The following PDGFRA variants were observed in gnomAD, a reference collection of about 807,000 sequenced individuals.
PDGFRA encodes the protein platelet-derived growth factor receptor alpha.
In PDGFRA, 25 loss-of-function variants were observed where a neutral mutation model predicts 121.5. The ratio of observed to expected loss-of-function variants is 0.21; its 90% CI spans 0.15 to 0.29. The LOEUF (loss-of-function observed/expected upper bound fraction) is 0.29, where lower values mean the gene tolerates loss of function less well. Ranked by LOEUF, PDGFRA falls within the 10% of genes least tolerant of loss-of-function variation. The pLI is 1.00. For missense variants in PDGFRA, 1,008 were observed against 1,345.1 expected, an observed-to-expected ratio of 0.75 and a Z score of 3.92; for synonymous variants, 463 against 494.8, an observed-to-expected ratio of 0.94 and a Z score of 0.85.
intron 16 of PDGFRA, chr4:54,281,869 A>G (rs1408066845): frequency 8.2e-7 from 1 of 1,215,384 alleles, no homozygotes; most frequent in Non-Finnish European, 1.0e-6. Context: ...ATTGGCACTG[A>G]TCTCTAAGAT....
chr4:54,271,848 C>T (rs905536358), intron 8 of PDGFRA, among the ~76,000 whole-genome samples: 4 of 143,044 alleles, frequency 2.8e-5, no homozygotes, highest in African/African-American at 1.0e-4. Context: ...TCCTCCCTCC[C>T]TCCCTCCCTT....
At chr4:54,229,938 A>C (rs968088872) in intron 1 of PDGFRA, 1 of 13,214 alleles carries the variant, frequency 7.6e-5, no homozygotes, top group African/African-American at 3.0e-4. Flanking sequence ...GACCAGGGGG[A>C]GGTGGGGAGA....
At chr4:54,273,256 A>T (rs1227763975) in intron 9 of PDGFRA, among the ~76,000 whole-genome samples, 3 of 152,188 alleles carry the variant, frequency 2.0e-5, no homozygotes, top group Admixed American at 6.5e-5. Flanking sequence ...GTTTGCTCAT[A>T]GGTTCAAGAT....
At chr4:54,241,508 A>T (rs1373566398) in intron 1 of PDGFRA, among the ~76,000 whole-genome samples, 1 of 149,694 alleles carries the variant, frequency 6.7e-6, no homozygotes, top group African/African-American at 2.5e-5. Flanking sequence ...GCCATAACTG[A>T]AAGGAAATTT....
At chr4:54,239,843 A>ATTAT (rs1464665568) in intron 1 of PDGFRA, among the ~76,000 whole-genome samples, 53 of 151,834 alleles carry the variant, frequency 3.5e-4, no homozygotes, top group South Asian at 4.2e-4. Context: ...AAAATTTTAA[A>ATTAT]TTATTTATTT....
chr4:54,261,457 C>A, intron 3 of PDGFRA, 45 bp downstream of exon 3: 1 of 1,321,944 alleles, frequency 7.6e-7, no homozygotes, highest in Non-Finnish European at 1.1e-6. Flanking sequence ...CTCTTCCTGT[C>A]TCTCCTGTTA....
Position 54,295,370 on chromosome 4 carries a change from G to T in PDGFRA, c.*98G>T. ...AATGCAGAGGTTGAGAGGAGGACTT[G>T]GTTGATGTTTAAAGAGAAGTTCCCA... On this transcript the variant is annotated 3_prime_UTR_variant, in exon 23 of 23. Transcript: ENST00000257290. The T allele has an allele frequency of 4.1e-6, 5 of 1,221,712 alleles. No individual in the cohort carries two copies. The highest frequency in any genetic ancestry group is 6.0e-6 in the Non-Finnish European group (5 of 834,034). The allele number at this position is 1,221,712 out of a possible 1,614,324, so 75.7% of individuals were successfully genotyped here.
In PDGFRA at chr4:54,279,902, T is replaced by TTATATATATATA. The variant is rs34230327; in HGVS notation, c.2157-412_2157-411insTATATATATATA. Reference sequence around the variant, plus strand: ...TAATTCATTCCTTTTTATAGCTGAGTTACATATATATATATATATATGCAC... The same window carrying TTATATATATATA: ...TAATTCATTCCTTTTTATAGCTGAGTTATATATATATATACATATATATATATATATATGCAC... On this transcript the variant is annotated intron_variant, in intron 15 of 22. Coordinates refer to ENST00000257290, the MANE Select transcript of PDGFRA (RefSeq NM_006206.6). Among the ~76,000 whole-genome samples the TTATATATATATA allele has an allele frequency of 5.4e-5, 8 of 147,692 alleles. No individual in the cohort carries two copies. In the South Asian group the frequency reaches 1.7e-3, roughly 31 times the overall value.
At chr4:54,266,371 T>C (rs1723024689) in intron 5 of PDGFRA, among the ~76,000 whole-genome samples, 2 of 152,058 alleles carry the variant, frequency 1.3e-5, no homozygotes, top group Admixed American at 1.3e-4. Context: ...ATAAAGCTTT[T>C]ATTTTTCATT....
At chr4:54,234,920 G>A (rs1051972585) in intron 1 of PDGFRA, among the ~76,000 whole-genome samples, 2 of 152,168 alleles carry the variant, frequency 1.3e-5, no homozygotes, top group Non-Finnish European at 2.9e-5. Context: ...AGCCCAGATT[G>A]TCCCATAAAA....
chr4:54,262,590 C>T (rs1722808480), intron 3 of PDGFRA, among the ~76,000 whole-genome samples: 1 of 152,074 alleles, frequency 6.6e-6, no homozygotes, highest in African/African-American at 2.4e-5. Flanking sequence ...TCTTCCTACC[C>T]TCTATAACTA....
At position 54,298,075 on chromosome 4, in the gene PDGFRA, A is replaced by AAGAT; in HGVS notation, c.*2805_*2808dup. The AAGAT allele has an allele frequency of 4.4e-6, 1 of 225,338 alleles. No homozygotes were observed. Among genetic ancestry groups the AAGAT allele is most frequent in the Non-Finnish European group, 8.9e-6 (1 of 112,832 alleles). The allele number at this position is 225,338 out of a possible 1,614,324, so 14.0% of individuals were successfully genotyped here. On this transcript the variant is annotated 3_prime_UTR_variant, in exon 23 of 23. Transcript: ENST00000257290. Reference sequence around the variant, plus strand: ...TTATATTTTAGAAATAATAAAAAGAAAGATACTTACATGTTCCCAAAACAA... The same window carrying AAGAT: ...TTATATTTTAGAAATAATAAAAAGAAAGATAGATACTTACATGTTCCCAAAACAA...
intron 12 of PDGFRA, 62 bp downstream of exon 12, chr4:54,275,035 A>G (rs1425004379): frequency 3.8e-6 from 6 of 1,578,334 alleles, no homozygotes; most frequent in African/African-American, 1.3e-5. Flanking sequence ...TTTACAATTT[A>G]TAGGCCTTGG....
Position 54,272,282 on chromosome 4 carries a change from C to T in PDGFRA, c.1238-112C>T, listed in dbSNP as rs116011684. On this transcript the variant is annotated intron_variant, in intron 8 of 22. Coordinates refer to ENST00000257290, the MANE Select transcript of PDGFRA (RefSeq NM_006206.6). ...CTTGTACAACTGGTTTCAGCCCCTC[C>T]GGAGTGTTTTGAATGCCATGTAGAT... 5.7e-4 allele frequency: 638 copies of T among 1,121,388 alleles called. 2 individuals carry two copies. In the African/African-American group the frequency reaches 6.2e-3, roughly 11 times the overall value. The allele number at this position is 1,121,388 out of a possible 1,614,324, so 69.5% of individuals were successfully genotyped here.
At chr4:54,260,223 A>G (rs1345546018) in intron 2 of PDGFRA, among the ~76,000 whole-genome samples, 1 of 152,130 alleles carries the variant, frequency 6.6e-6, no homozygotes, top group Admixed American at 6.5e-5. Flanking sequence ...TCATAAAAAT[A>G]AAGAAATAAA....
At chr4:54,232,905 C>G (rs984809490) in intron 1 of PDGFRA, among the ~76,000 whole-genome samples, 2 of 152,156 alleles carry the variant, frequency 1.3e-5, no homozygotes, top group African/African-American at 4.8e-5. Flanking sequence ...TCTTAAATGC[C>G]GAGAGGGCGC....
chr4:54,269,019 G>A (rs1049383924), intron 7 of PDGFRA, among the ~76,000 whole-genome samples: 1 of 152,050 alleles, frequency 6.6e-6, no homozygotes, highest in African/African-American at 2.4e-5. Context: ...GTAGATGGGG[G>A]ATCTGGCTTC....
intron 22 of PDGFRA, among the ~76,000 whole-genome samples, chr4:54,290,835 A>G (rs540580901): frequency 6.6e-6 from 1 of 152,340 alleles, no homozygotes; most frequent in African/African-American, 2.4e-5. Flanking sequence ...AATTTGATCA[A>G]ATTGATACAG....
intron 17 of PDGFRA, 46 bp downstream of exon 17, chr4:54,285,532 G>A (rs772826031): frequency 1.3e-5 from 11 of 861,670 alleles, no homozygotes; most frequent in Middle Eastern, 2.2e-4. Context: ...ATTTCAGTGA[G>A]TGGAGTGTGG....
Sources: gnomAD v4.1 joint callset for allele counts (sites outside exome capture counted in the v4.1 genomes callset) on GRCh38, gnomAD v4.1.1 for gene constraint, MANE v1.5 for transcripts, NCBI Gene and HGNC (gene_info 2026-07-23, HGNC 2026-07-21) for gene names.